Variants in ADI1 observed in about 807,000 individuals in gnomAD.
The protein encoded by ADI1 is acireductone dioxygenase.
A neutral mutation model predicts 18.7 loss-of-function variants in ADI1; 21 were observed. That is an observed-to-expected ratio of 1.13 (90% CI 0.80 to 1.62). The LOEUF (loss-of-function observed/expected upper bound fraction) is 1.62. Among genes scored for constraint, ADI1 ranks in the 40% most tolerant of loss-of-function variants. The pLI is 0.00. For missense variants in ADI1, 245 were observed against 254.9 expected (o/e 0.96, Z 0.26); for synonymous variants, 90 against 100.1 (o/e 0.90, Z 0.60).
At chr2:3,512,619 G>C (rs901148163) in intron 2 of ADI1, among the ~76,000 whole-genome samples, 1 of 152,226 alleles carries the variant, frequency 6.6e-6, no homozygotes, top group Non-Finnish European at 1.5e-5. Context: ...TGCAAGGGTT[G>C]AGGCTTGGGA....
intron 1 of ADI1, 165 bp downstream of exon 1, chr2:3,519,202 AC>A (rs1329152471): frequency 2.8e-6 from 3 of 1,065,884 alleles, no homozygotes; most frequent in African/African-American, 1.7e-5. Context: ...TGCGCAGCCC[AC>A]CCCAGGCACC....
chr2:3,508,336 A>C (rs1572236247), intron 2 of ADI1, among the ~76,000 whole-genome samples: 2 of 88,028 alleles, frequency 2.3e-5, no homozygotes, highest in African/African-American at 1.5e-4. Flanking sequence ...CTCTGTCTCA[A>C]AAAAAAAAAA....
At chr2:3,516,021 T>C (rs1667400569) in intron 1 of ADI1, 1 of 983,980 alleles carries the variant, frequency 1.0e-6, no homozygotes. Context: ...AATGTGTCCA[T>C]ATTATGACAC....
chr2:3,502,764 C>T (rs961878642), intron 2 of ADI1, among the ~76,000 whole-genome samples: 2 of 152,176 alleles, frequency 1.3e-5, no homozygotes, highest in Admixed American at 1.3e-4. Flanking sequence ...ACGGAAATAA[C>T]TCTTGAACAT....
Position 3,519,466 on chromosome 2 carries a change from C to A in ADI1, c.22G>T (p.Asp8Tyr). The A allele has an allele frequency of 7.4e-7, 1 of 1,354,218 alleles. No individual in the cohort carries two copies. Among genetic ancestry groups the A allele is most frequent in the South Asian group, 1.8e-5 (1 of 55,060 alleles). The allele number at this position is 1,354,218 out of a possible 1,614,324, so 83.9% of individuals were successfully genotyped here. Reference protein sequence around the residue: MVQAWYMDDAPGDPRQPH... With the variant: MVQAWYMYDAPGDPRQPH... ...TGCCGCGGGTCGCCCGGGGCGTCGT[C>A]CATATACCAGGCCTGCACCATGACG... Residue 8 changes from aspartate to tyrosine, a missense_variant, in exon 1 of 4, where the codon GAC becomes TAC. Asp to Tyr is a radical substitution (Grantham distance 160, BLOSUM62 -3). Transcript: ENST00000327435.
At chr2:3,507,639 G>A (rs1190293231) in intron 2 of ADI1, among the ~76,000 whole-genome samples, 1 of 152,070 alleles carries the variant, frequency 6.6e-6, no homozygotes, top group Non-Finnish European at 1.5e-5. Flanking sequence ...GACCTACCTT[G>A]CAAATAAATG....
In ADI1 at chr2:3,497,831, C is replaced by T. The variant is rs144192849; in HGVS notation, c.*1132G>A. 3.3e-5 allele frequency: 5 copies of T among 152,060 alleles called. No homozygotes were observed. Among genetic ancestry groups the T allele is most frequent in the South Asian group, 2.1e-4 (1 of 4,832 alleles). The allele number at this position is 152,060 out of a possible 1,614,324, so 9.4% of individuals were successfully genotyped here. ...ATGAAGCAAGAAAGGCAATTTAAAG[C>T]GATAGTTTATCATATGAATGTTTCG... is the stretch of plus-strand genomic sequence containing the variant. On this transcript the variant is annotated 3_prime_UTR_variant, in exon 4 of 4. Coordinates refer to ENST00000327435, the MANE Select transcript of ADI1 (RefSeq NM_018269.4).
chr2:3,512,485 G>A (rs995723436), intron 2 of ADI1, among the ~76,000 whole-genome samples: 1 of 152,184 alleles, frequency 6.6e-6, no homozygotes, highest in African/African-American at 2.4e-5. Flanking sequence ...AGCTGCTCGG[G>A]TTCTGCTAGG....
At chr2:3,499,485 A>T (rs576662881) in intron 3 of ADI1, among the ~76,000 whole-genome samples, 1 of 152,324 alleles carries the variant, frequency 6.6e-6, no homozygotes, top group South Asian at 2.1e-4. Context: ...GGAGAGGACA[A>T]TTCAGCCACA....
intron 2 of ADI1, among the ~76,000 whole-genome samples, chr2:3,512,482 C>A (rs1009491996): frequency 6.6e-6 from 1 of 152,208 alleles, no homozygotes; most frequent in African/African-American, 2.4e-5. Context: ...CCCAGCTGCT[C>A]GGGTTCTGCT....
rs370738223 is a variant in ADI1 at position 3,499,064 on chromosome 2, G to T, written c.439C>A (p.Arg147=). The T allele has an allele frequency of 1.9e-6, 3 of 1,613,790 alleles. No individual in the cohort carries two copies. Among genetic ancestry groups the T allele is most frequent in the African/African-American group, 2.7e-5 (2 of 74,912 alleles). Residue 147 remains arginine (R), a synonymous_variant, in exon 4 of 4, where the codon CGG becomes AGG. Coordinates refer to ENST00000327435, the MANE Select transcript of ADI1 (RefSeq NM_018269.4). Reference sequence around the variant, plus strand: ...CACACCGGTTCTCCCACAAACAGCCGCATGGCCTTCGTGTAGTTCTGGAAA... The same window carrying T: ...CACACCGGTTCTCCCACAAACAGCCTCATGGCCTTCGTGTAGTTCTGGAAA... ...VDEKNYTKAM[R]LFVGEPVWTA...
intron 2 of ADI1, among the ~76,000 whole-genome samples, chr2:3,509,607 G>A (rs1667251145): frequency 6.6e-6 from 1 of 151,950 alleles, no homozygotes; most frequent in South Asian, 2.1e-4. Context: ...AAATTAAAAA[G>A]TAAATTAATT....
intron 2 of ADI1, among the ~76,000 whole-genome samples, chr2:3,504,870 T>G (rs1263503353): frequency 8.5e-5 from 13 of 152,096 alleles, no homozygotes; most frequent in Admixed American, 8.5e-4. Context: ...CGTATGTTTG[T>G]ATTGTCGGTT....
chr2:3,506,964 C>G (rs1463126370), intron 2 of ADI1, among the ~76,000 whole-genome samples: 1 of 152,184 alleles, frequency 6.6e-6, no homozygotes, highest in Non-Finnish European at 1.5e-5. Context: ...CTGAGCTTCC[C>G]TCTCTCTGCT....
intron 2 of ADI1, 94 bp from the exon 3 acceptor site, chr2:3,501,087 G>C: frequency 2.7e-6 from 3 of 1,114,576 alleles, no homozygotes; most frequent in Non-Finnish European, 3.8e-6. Flanking sequence ...TGGTGGGCCA[G>C]AGCTGAGGTG....
intron 2 of ADI1, among the ~76,000 whole-genome samples, chr2:3,511,540 G>A (rs1667294646): frequency 6.6e-6 from 1 of 152,182 alleles, no homozygotes; most frequent in African/African-American, 2.4e-5. Context: ...TTCCTGTAGA[G>A]CCTGCAGATT....
chr2:3,504,479 C>G (rs1018453006), intron 2 of ADI1, among the ~76,000 whole-genome samples: 18 of 152,184 alleles, frequency 1.2e-4, no homozygotes, highest in African/African-American at 4.1e-4. Flanking sequence ...CAGAGTCACA[C>G]CATTTACATC....
intron 1 of ADI1, among the ~76,000 whole-genome samples, chr2:3,514,512 G>T (rs1336917747): frequency 6.6e-6 from 1 of 152,136 alleles, no homozygotes; most frequent in Non-Finnish European, 1.5e-5. Context: ...ACTTTTTAAA[G>T]AACTCTACAT....
chr2:3,500,499 G>GGGACAA, intron 3 of ADI1: 1 of 491,082 alleles, frequency 2.0e-6, no homozygotes, highest in Non-Finnish European at 3.7e-6. Context: ...AAGGGCTGGG[G>GGGACAA]CAGGGCCAGG....
Sources: allele counts gnomAD v4.1 joint callset (sites outside exome capture counted in the v4.1 genomes callset), GRCh38; gene constraint gnomAD v4.1.1; transcripts MANE v1.5; gene names NCBI Gene and HGNC (gene_info 2026-07-23, HGNC 2026-07-21).